TTC28: variants seen among roughly 807,000 people sequenced by gnomAD.
TTC28 encodes the protein tetratricopeptide repeat protein 28.
TTC28 carries 61 observed loss-of-function variants against 198.0 expected under a neutral mutation model. The observed-to-expected ratio is 0.31, with a 90% CI of 0.25 to 0.38. The LOEUF (loss-of-function observed/expected upper bound fraction) is 0.38, where lower values mean the gene tolerates loss of function less well. Among genes scored for constraint, TTC28 ranks in the 10% least tolerant of loss-of-function variants. The pLI is 1.00. For missense variants in TTC28, 2,678 were observed against 3,164.0 expected (o/e 0.85, Z 3.69); for synonymous variants, 1,171 against 1,297.8 (o/e 0.90, Z 2.10).
At chr22:28,591,034 CACACACATATATATATATATATATATAT>C (rs1183250587) in intron 2 of TTC28, among the ~76,000 whole-genome samples, 8 of 48,068 alleles carry the variant, frequency 1.7e-4, no homozygotes, top group Middle Eastern at 0.012. Context: ...CACACACACA[CACACACATATATATATATATATATATAT>C]ATATATATAT....
chr22:28,109,521 C>T (rs1459972024), intron 6 of TTC28, among the ~76,000 whole-genome samples: 1 of 152,188 alleles, frequency 6.6e-6, no homozygotes, highest in Non-Finnish European at 1.5e-5. Flanking sequence ...CTTTTACAAT[C>T]AACAATAACA....
At position 28,005,774 on chromosome 22, in the gene TTC28, CAG is replaced by C. The variant is rs1491239782; in HGVS notation, c.4219-4223_4219-4222del. On this transcript the variant is annotated intron_variant, in intron 14 of 22. Transcript: ENST00000397906. The surrounding 1 kb of genome is among the most constrained non-coding windows in gnomAD (Gnocchi z 4.9). ...TGATGGCTGCTCTCCTGCCCACACT[CAG>C]GGGGCTAGCGCTTGCCAGCAACTCC... Among the ~76,000 whole-genome samples the C allele has an allele frequency of 6.6e-6, 1 of 152,216 alleles. No individual in the cohort carries two copies. Among genetic ancestry groups the C allele is most frequent in the African/African-American group, 2.4e-5 (1 of 41,456 alleles).
intron 1 of TTC28, among the ~76,000 whole-genome samples, chr22:28,634,688 G>A (rs1289555020): frequency 6.6e-6 from 1 of 150,802 alleles, no homozygotes; most frequent in East Asian, 2.0e-4. Flanking sequence ...AGGTTCTAGC[G>A]CTTCTCCTGC....
chr22:28,045,657 G>C (rs1264468780), intron 12 of TTC28, among the ~76,000 whole-genome samples: 1 of 152,130 alleles, frequency 6.6e-6, no homozygotes, highest in Non-Finnish European at 1.5e-5. Flanking sequence ...CACATATACA[G>C]ATATATCCAA....
chr22:28,361,789 C>T (rs1445825137), intron 2 of TTC28, among the ~76,000 whole-genome samples: 2 of 152,174 alleles, frequency 1.3e-5, no homozygotes. Context: ...CAGGCTAATG[C>T]CACTGATGAC....
rs191240129 is a variant in TTC28, at chr22:28,413,310, C to G, written c.382-106667G>C. On this transcript the variant is annotated intron_variant, in intron 2 of 22. Coordinates refer to ENST00000397906, the MANE Select transcript of TTC28 (RefSeq NM_001145418.2). ...AAAATTAGCTGGGCGTGGTGGCAGGCGCCTGTAGTCCCAGCTACTCGGGAG... is the reference window on the plus strand; with the variant it reads ...AAAATTAGCTGGGCGTGGTGGCAGGGGCCTGTAGTCCCAGCTACTCGGGAG... 6.9e-3 allele frequency among the ~76,000 whole-genome samples: 1,044 copies of G among 152,042 alleles called. 8 individuals are homozygous for G. The highest frequency in any genetic ancestry group is 0.024 in the African/African-American group (993 of 41,458).
At chr22:28,230,231 T>C (rs16986172) in intron 5 of TTC28, among the ~76,000 whole-genome samples, 2,557 of 152,270 alleles carry the variant, frequency 0.017, 91 homozygotes, top group African/African-American at 0.059. Context: ...GTATGTTATA[T>C]GAGAGATACA....
rs1937882145 is a variant in TTC28 at position 28,005,091 on chromosome 22, G to A, written c.4219-3538C>T. ...TCTAGTAATGGGATTTCTGAAAGCA[G>A]AAGATGACAGGGCCAGGTGCACTAG... is the stretch of plus-strand genomic sequence containing the variant. On this transcript the variant is annotated intron_variant, in intron 14 of 22. Coordinates refer to ENST00000397906, the MANE Select transcript of TTC28 (RefSeq NM_001145418.2). This position sits in a 1 kb window ranked among gnomAD's most constrained non-coding sequence, Gnocchi z 4.9. Among the ~76,000 whole-genome samples the A allele has an allele frequency of 6.6e-6, 1 of 152,210 alleles. No individual in the cohort carries two copies. Among genetic ancestry groups the A allele is most frequent in the South Asian group, 2.1e-4 (1 of 4,838 alleles).
At chr22:28,101,431 C>T (rs1942149321) in intron 8 of TTC28, among the ~76,000 whole-genome samples, 151 bp from the exon 9 acceptor site, 1 of 152,146 alleles carries the variant, frequency 6.6e-6, no homozygotes, top group Non-Finnish European at 1.5e-5. Flanking sequence ...AGTGGCAGCT[C>T]ACTGCAGCCT....
chr22:28,359,693 T>C (rs2046129589), intron 2 of TTC28, among the ~76,000 whole-genome samples: 1 of 152,170 alleles, frequency 6.6e-6, no homozygotes, highest in Non-Finnish European at 1.5e-5. Flanking sequence ...ATCTGCCAAA[T>C]GCCAAGCAGG....
At chr22:28,508,037 G>A (rs2048636955) in intron 2 of TTC28, among the ~76,000 whole-genome samples, 1 of 152,112 alleles carries the variant, frequency 6.6e-6, no homozygotes, top group Non-Finnish European at 1.5e-5. Context: ...ATGATGCCAG[G>A]ATGAAATTCA....
At chr22:28,369,510 G>A (rs913307101) in intron 2 of TTC28, among the ~76,000 whole-genome samples, 1 of 152,178 alleles carries the variant, frequency 6.6e-6, no homozygotes, top group Non-Finnish European at 1.5e-5. Context: ...AAAGACTGGT[G>A]TTAAAATAGG....
At chr22:28,266,402 C>A (rs1049328859) in intron 5 of TTC28, among the ~76,000 whole-genome samples, 13 of 152,108 alleles carry the variant, frequency 8.5e-5, no homozygotes, top group Non-Finnish European at 1.6e-4. Flanking sequence ...GATAATTAAG[C>A]CACCACACTG....
intron 2 of TTC28, among the ~76,000 whole-genome samples, chr22:28,489,970 A>C (rs773332104): frequency 2.0e-5 from 3 of 152,116 alleles, no homozygotes; most frequent in Non-Finnish European, 4.4e-5. Context: ...CCCAAAACTG[A>C]AGAACTTGGA....
chr22:28,651,416 C>T lies in TTC28; in HGVS notation c.103-21586G>A, dbSNP rs1031804851. ...TCCCAGGATCAGGTGATCTTCCCACCTCAGTCTCCCAAGTAGCTGGAACCA... is the reference window on the plus strand; with the variant it reads ...TCCCAGGATCAGGTGATCTTCCCACTTCAGTCTCCCAAGTAGCTGGAACCA... On this transcript the variant is annotated intron_variant, in intron 1 of 22. Transcript: ENST00000397906. Among the ~76,000 whole-genome samples, 6 of 152,070 alleles carry T rather than the reference C, an allele frequency of 3.9e-5. No individual in the cohort carries two copies. In the East Asian group the frequency reaches 7.7e-4, roughly 20 times the overall value.
chr22:28,433,237 T>G (rs1274400241), intron 2 of TTC28, among the ~76,000 whole-genome samples: 3 of 152,240 alleles, frequency 2.0e-5, no homozygotes, highest in African/African-American at 7.2e-5. Context: ...CAAAATATAC[T>G]GTCTATAAAA....
At chr22:28,192,280 C>T (rs1382347015) in intron 5 of TTC28, among the ~76,000 whole-genome samples, 4 of 152,086 alleles carry the variant, frequency 2.6e-5, no homozygotes, top group Non-Finnish European at 5.9e-5. Flanking sequence ...ACACCAAAAC[C>T]CCATCTGTAT....
intron 2 of TTC28, among the ~76,000 whole-genome samples, chr22:28,327,817 GTAT>G (rs969378620): frequency 1.8e-4 from 28 of 152,152 alleles, no homozygotes; most frequent in African/African-American, 6.0e-4. Flanking sequence ...ATAAGTAGAG[GTAT>G]AATATCTAAC....
chr22:28,547,683 G>T (rs2145950834), intron 2 of TTC28, among the ~76,000 whole-genome samples: 1 of 151,730 alleles, frequency 6.6e-6, no homozygotes, highest in South Asian at 2.1e-4. Context: ...CTGTAATACG[G>T]TCGCATTCCT....
Sources: allele counts gnomAD v4.1 joint callset (sites outside exome capture counted in the v4.1 genomes callset), GRCh38; gene constraint gnomAD v4.1.1; non-coding constraint Gnocchi (gnomAD v3.1); transcripts MANE v1.5; gene names NCBI Gene and HGNC (gene_info 2026-07-23, HGNC 2026-07-21).